Variants in WDR19 observed in about 807,000 individuals in gnomAD.
WDR19 encodes WD repeat domain 19, also known as WD repeat-containing protein 19.
A neutral mutation model predicts 180.0 loss-of-function variants in WDR19; 121 were observed. The observed-to-expected ratio is 0.67, with a 90% CI of 0.58 to 0.78. WDR19 has a LOEUF of 0.78. WDR19 is among the 30% of genes least tolerant of loss of function. The probability of loss-of-function intolerance (pLI) is 0.00; values close to 1 mark genes in which losing one functional copy is unlikely to be tolerated. For synonymous variants in WDR19, 497 were observed against 540.7 expected, an observed-to-expected ratio of 0.92 and a Z score of 1.12; for missense variants, 1,450 against 1,640.7, an observed-to-expected ratio of 0.88 and a Z score of 2.01.
At chr4:39,239,164 G>C (rs1052583956) in intron 20 of WDR19, among the ~76,000 whole-genome samples, 5 of 152,124 alleles carry the variant, frequency 3.3e-5, no homozygotes, top group African/African-American at 1.2e-4. Flanking sequence ...TTTTAGTAGA[G>C]AGAGGGTTTC....
intron 31 of WDR19, among the ~76,000 whole-genome samples, 189 bp from the exon 32 acceptor site, chr4:39,272,791 A>ACAGTAC (rs1398245975): frequency 1.3e-5 from 2 of 152,206 alleles, no homozygotes; most frequent in African/African-American, 4.8e-5. Flanking sequence ...AGGTGAGGCC[A>ACAGTAC]TGGGGCCAGG....
Position 39,231,880 on chromosome 4 carries a change from TG to T in WDR19, c.2068del (p.Glu690LysfsTer17), listed in dbSNP as rs775306765. The T allele has an allele frequency of 6.2e-7, 1 of 1,613,514 alleles. No individual in the cohort carries two copies. Among genetic ancestry groups the T allele is most frequent in the Non-Finnish European group, 8.5e-7 (1 of 1,179,474 alleles). On this transcript the variant is annotated frameshift_variant, in exon 18 of 37. Coordinates refer to ENST00000399820, the MANE Select transcript of WDR19 (RefSeq NM_025132.4). LOFTEE classifies it high-confidence loss of function. The part of the protein sequence containing the change: ...NELARACLHH[M>X]EVEFAIRVYR... Reference sequence around the variant, plus strand: ...TTGGCCAGAGCTTGTCTACATCACATGGAAGTGGAGTTTGCAATCCGTGTTT... The same window carrying T: ...TTGGCCAGAGCTTGTCTACATCACATGAAGTGGAGTTTGCAATCCGTGTTT...
intron 3 of WDR19, among the ~76,000 whole-genome samples, chr4:39,188,032 A>G (rs996946073): frequency 6.6e-6 from 1 of 152,242 alleles, no homozygotes; most frequent in Non-Finnish European, 1.5e-5. Flanking sequence ...ACTGTCTTAA[A>G]TATAAATCAA....
At chr4:39,238,565 A>T (rs906457017) in intron 20 of WDR19, among the ~76,000 whole-genome samples, 1 of 152,154 alleles carries the variant, frequency 6.6e-6, no homozygotes, top group Non-Finnish European at 1.5e-5. Context: ...TCTCAGGAAA[A>T]ATCCCTAGCT....
chr4:39,240,177 T>TAA (rs55876795), intron 20 of WDR19, 100 bp from the exon 21 acceptor site: 379 of 146,590 alleles, frequency 2.6e-3, no homozygotes, highest in African/African-American at 4.0e-3. Flanking sequence ...ACCCTGTCTC[T>TAA]AAAAAAAAAA....
At chr4:39,216,502 A>G (rs915159430) in intron 12 of WDR19, among the ~76,000 whole-genome samples, 1 of 152,206 alleles carries the variant, frequency 6.6e-6, no homozygotes, top group African/African-American at 2.4e-5. Context: ...CTAAGTGACT[A>G]TAGACAAATC....
At chr4:39,267,847 A>G in intron 29 of WDR19, 148 bp from the exon 30 acceptor site, 1 of 717,900 alleles carries the variant, frequency 1.4e-6, no homozygotes, top group Non-Finnish European at 2.3e-6. Flanking sequence ...TGTTTAATAA[A>G]TAAACGAATT....
chr4:39,199,562 T>G lies in WDR19; in HGVS notation c.491T>G (p.Val164Gly). Residue 164 changes from valine (V) to glycine (G), a missense_variant, in exon 6 of 37, where the codon GTT (valine) becomes GGT (glycine). Val to Gly is a moderately radical substitution (Grantham distance 109). Coordinates refer to ENST00000399820, the MANE Select transcript of WDR19 (RefSeq NM_025132.4). ...ALGGEDKMIT[V>G]SNQEGDTIRQ... Reference sequence around the variant, plus strand: ...GGTGGTGAAGATAAAATGATTACAGTTAGTAATCAGGAAGGTGACACGATA... The same window carrying G: ...GGTGGTGAAGATAAAATGATTACAGGTAGTAATCAGGAAGGTGACACGATA... The G allele has an allele frequency of 6.2e-7, 1 of 1,613,082 alleles. No individual in the cohort carries two copies. Among genetic ancestry groups the G allele is most frequent in the Non-Finnish European group, 8.5e-7 (1 of 1,179,356 alleles).
At chr4:39,195,230 A>G (rs1168048078) in intron 5 of WDR19, among the ~76,000 whole-genome samples, 1 of 151,760 alleles carries the variant, frequency 6.6e-6, no homozygotes, top group African/African-American at 2.4e-5. Flanking sequence ...AGCCGGGCAC[A>G]GTGGCAGCCG....
intron 28 of WDR19, among the ~76,000 whole-genome samples, chr4:39,260,589 C>A (rs1734192739): frequency 6.6e-6 from 1 of 152,148 alleles, no homozygotes; most frequent in South Asian, 2.1e-4. Flanking sequence ...GATCTGCCTG[C>A]CTTGGCCTCC....
chr4:39,182,767 C>CG lies in WDR19; in HGVS notation c.6+206dup, dbSNP rs1189434926. Among the ~76,000 whole-genome samples the CG allele has an allele frequency of 2.0e-5, 3 of 151,902 alleles. No individual in the cohort carries two copies. In the East Asian group the frequency reaches 5.8e-4, roughly 29 times the overall value. ...AAGAAAATAGGAGGAGAGGAGAGGGCGGAGAGAGAGGCCTCTCGTTTTGGG... is the reference window on the plus strand; with the variant it reads ...AAGAAAATAGGAGGAGAGGAGAGGGCGGGAGAGAGAGGCCTCTCGTTTTGGG... On this transcript the variant is annotated intron_variant, in intron 1 of 36. Coordinates refer to ENST00000399820, the MANE Select transcript of WDR19 (RefSeq NM_025132.4).
chr4:39,214,808 T>C, intron 10 of WDR19, 137 bp downstream of exon 10: 1 of 566,262 alleles, frequency 1.8e-6, no homozygotes, highest in Non-Finnish European at 3.1e-6. Flanking sequence ...ATTCTTGTTT[T>C]GTAGCCCTGG....
rs1279568315 is a variant in WDR19, at chr4:39,234,801, A to G, written c.2289A>G (p.Leu763=). ...RRDLQHWDSA[L]QLAKHLAPDQ... is the part of the protein sequence containing the mutation. ...ATTTACAGCATTGGGACAGTGCTCT[A>G]CAACTGGCAAAGCATTTGGCCCCAG... Residue 763 remains leucine, a synonymous_variant, in exon 20 of 37, where the codon CTA becomes CTG. Coordinates refer to ENST00000399820, the MANE Select transcript of WDR19 (RefSeq NM_025132.4). 1 of 1,584,826 alleles carries G rather than the reference A, an allele frequency of 6.3e-7. No homozygotes were observed.
intron 21 of WDR19, 95 bp downstream of exon 21, chr4:39,240,429 A>G: frequency 1.5e-6 from 1 of 683,464 alleles, no homozygotes. Flanking sequence ...ATTGTATTTA[A>G]TATCTAGCAG....
At chr4:39,218,288 C>A in intron 14 of WDR19, 183 bp downstream of exon 14, 1 of 800,484 alleles carries the variant, frequency 1.2e-6, no homozygotes, top group Non-Finnish European at 1.9e-6. Context: ...TTCTGAGAAA[C>A]GTGTCATTGG....
intron 28 of WDR19, among the ~76,000 whole-genome samples, chr4:39,264,162 A>G (rs1445265610): frequency 1.3e-5 from 2 of 152,130 alleles, no homozygotes; most frequent in African/African-American, 4.8e-5. Context: ...AGGTGCTATT[A>G]TTGCCCATAT....
rs7670602 is a variant in WDR19 at position 39,238,964 on chromosome 4, G to A, written c.2364-1313G>A. 2.7e-3 allele frequency among the ~76,000 whole-genome samples: 406 copies of A among 152,144 alleles called. 2 individuals carry two copies. Among genetic ancestry groups the A allele is most frequent in the African/African-American group, 9.3e-3 (387 of 41,540 alleles). The stretch of plus-strand genomic sequence containing the variant: ...AGATCCATGTTAGCATCAGTCATGG[G>A]AAGAGAATATTATTATTATTATTAT... On this transcript the variant is annotated intron_variant, in intron 20 of 36. Transcript: ENST00000399820.
intron 9 of WDR19, among the ~76,000 whole-genome samples, chr4:39,208,087 C>T (rs984174306): frequency 1.3e-5 from 2 of 151,656 alleles, no homozygotes; most frequent in African/African-American, 4.8e-5. Context: ...AGAGCAACCT[C>T]TAAGAAAACT....
chr4:39,240,690 A>T (rs1043891653), intron 21 of WDR19, among the ~76,000 whole-genome samples: 1 of 152,156 alleles, frequency 6.6e-6, no homozygotes, highest in African/African-American at 2.4e-5. Context: ...GGTGGCTCAC[A>T]CCTGTAATCC....
Sources: gnomAD v4.1 joint callset for allele counts (sites outside exome capture counted in the v4.1 genomes callset) on GRCh38, gnomAD v4.1.1 for gene constraint, MANE v1.5 for transcripts, NCBI Gene and HGNC (gene_info 2026-07-23, HGNC 2026-07-21) for gene names.